The following LEKR1 variants were observed in gnomAD, a reference collection of about 807,000 sequenced individuals.
The protein encoded by LEKR1 is leucine, glutamate and lysine rich 1, also known as protein LEKR1.
In LEKR1, 59 loss-of-function variants were observed where a neutral mutation model predicts 72.4. The observed-to-expected ratio is 0.82, with a 90% CI of 0.66 to 1.01. The LOEUF is 1.01. Ranked by LOEUF, LEKR1 falls within the 50% of genes least tolerant of loss-of-function variation. LEKR1 has a pLI of 0.00. For synonymous variants in LEKR1, 257 were observed against 263.2 expected (o/e 0.98, Z 0.23); for missense variants, 728 against 759.2 (o/e 0.96, Z 0.48).
intron 6 of LEKR1, among the ~76,000 whole-genome samples, chr3:156,943,498 G>A (rs927974104): frequency 2.6e-5 from 4 of 151,898 alleles, no homozygotes; most frequent in African/African-American, 7.2e-5. Context: ...AGAGAACCAA[G>A]GCCCACAAAG....
rs528357031 is a variant in LEKR1, at chr3:157,042,670, A to G, written c.1669-2670A>G. ...TGAGACTTGAATTTAATCTTAGTAAATTGATTGAATTTATTTTTCTTTTAA... is the reference window on the plus strand; with the variant it reads ...TGAGACTTGAATTTAATCTTAGTAAGTTGATTGAATTTATTTTTCTTTTAA... On this transcript the variant is annotated intron_variant, in intron 12 of 12. Coordinates refer to ENST00000356539, the MANE Select transcript of LEKR1 (RefSeq NM_001004316.3). Among the ~76,000 whole-genome samples, 29 of 152,202 alleles carry G rather than the reference A, an allele frequency of 1.9e-4. 1 individual carries two copies. In the South Asian group the frequency reaches 3.9e-3, roughly 21 times the overall value.
At chr3:157,035,711 C>T (rs1315793353) in intron 12 of LEKR1, among the ~76,000 whole-genome samples, 1 of 152,004 alleles carries the variant, frequency 6.6e-6, no homozygotes, top group Non-Finnish European at 1.5e-5. Context: ...CCAGCCTGGC[C>T]AACATGGTAA....
chr3:157,005,368 C>T (rs899342738), intron 9 of LEKR1, among the ~76,000 whole-genome samples: 4 of 151,992 alleles, frequency 2.6e-5, no homozygotes, highest in African/African-American at 9.7e-5. Flanking sequence ...TGAATTTTAC[C>T]AAGCATTTAA....
chr3:156,894,212 T>TG (rs759344380), intron 3 of LEKR1, among the ~76,000 whole-genome samples: 11 of 152,226 alleles, frequency 7.2e-5, no homozygotes, highest in Admixed American at 4.6e-4. Flanking sequence ...TCTTTTTAGA[T>TG]GGGGTACCTG....
intron 3 of LEKR1, among the ~76,000 whole-genome samples, chr3:156,856,445 G>A (rs1167304103): frequency 3.3e-5 from 5 of 152,070 alleles, no homozygotes; most frequent in African/African-American, 4.8e-5. Context: ...TTTTCTGGAC[G>A]AACTCTAGAA....
intron 4 of LEKR1, among the ~76,000 whole-genome samples, chr3:156,926,978 A>G (rs1205085653): frequency 6.6e-6 from 1 of 151,922 alleles, no homozygotes; most frequent in South Asian, 2.1e-4. Flanking sequence ...GCACTGGATC[A>G]GTCACTTTGA....
intron 10 of LEKR1, among the ~76,000 whole-genome samples, chr3:157,024,501 T>C (rs78801056): frequency 0.021 from 3,243 of 152,314 alleles, 42 homozygotes; most frequent in Middle Eastern, 0.041. Context: ...AAGCTTTTAG[T>C]ATTTCTGAAA....
intron 6 of LEKR1, among the ~76,000 whole-genome samples, chr3:156,946,908 A>G (rs1238196741): frequency 6.6e-6 from 1 of 151,310 alleles, no homozygotes; most frequent in African/African-American, 2.4e-5. Context: ...GTAGCCTCTA[A>G]TGATAAACAA....
Position 156,850,943 on chromosome 3 carries a change from T to C in LEKR1, c.49-1825T>C, listed in dbSNP as rs192555429. On this transcript the variant is annotated intron_variant, in intron 2 of 12. Transcript: ENST00000356539. Reference sequence around the variant, plus strand: ...GTTTTATTTAACATAAAGCCAGTTATAGTATATAAAAGCAAAATATAATTG... The same window carrying C: ...GTTTTATTTAACATAAAGCCAGTTACAGTATATAAAAGCAAAATATAATTG... Among the ~76,000 whole-genome samples, 46 of 152,300 alleles carry C rather than the reference T, an allele frequency of 3.0e-4. No individual in the cohort carries two copies. In the East Asian group the frequency reaches 7.7e-3, roughly 26 times the overall value.
At chr3:157,014,586 A>AT (rs1733157956) in intron 10 of LEKR1, among the ~76,000 whole-genome samples, 1 of 152,174 alleles carries the variant, frequency 6.6e-6, no homozygotes. Flanking sequence ...TGATGTTGTT[A>AT]TTTATAAAAT....
chr3:156,955,436 A>C (rs1445382189), intron 6 of LEKR1, among the ~76,000 whole-genome samples: 2 of 152,042 alleles, frequency 1.3e-5, no homozygotes, highest in African/African-American at 2.4e-5. Flanking sequence ...TTTCCAGGGA[A>C]ATACTTCTAG....
chr3:156,907,598 A>G (rs547756352), intron 3 of LEKR1, among the ~76,000 whole-genome samples: 3 of 152,154 alleles, frequency 2.0e-5, no homozygotes, highest in African/African-American at 7.2e-5. Context: ...TACCAGAGAT[A>G]TATTTGACAC....
chr3:156,911,486 G>A (rs1313668978), intron 3 of LEKR1, among the ~76,000 whole-genome samples: 1 of 152,000 alleles, frequency 6.6e-6, no homozygotes, highest in African/African-American at 2.4e-5. Context: ...TTCTTTTGCT[G>A]TGCAGAAGCT....
At chr3:157,037,083 C>G (rs144960229) in intron 12 of LEKR1, among the ~76,000 whole-genome samples, 78 of 152,200 alleles carry the variant, frequency 5.1e-4, no homozygotes, top group South Asian at 4.6e-3. Flanking sequence ...GGAGGAGGAG[C>G]AGCATCTGTT....
intron 3 of LEKR1, among the ~76,000 whole-genome samples, chr3:156,859,791 C>T (rs1250372664): frequency 5.3e-5 from 8 of 152,162 alleles, no homozygotes; most frequent in Non-Finnish European, 8.8e-5. Flanking sequence ...CCTCCTTCCC[C>T]GTTAACACTT....
At chr3:156,858,807 G>A (rs1269521291) in intron 3 of LEKR1, among the ~76,000 whole-genome samples, 1 of 151,680 alleles carries the variant, frequency 6.6e-6, no homozygotes, top group East Asian at 1.9e-4. Flanking sequence ...AAGCTATTAA[G>A]TTTTCCTGTG....
intron 3 of LEKR1, among the ~76,000 whole-genome samples, chr3:156,906,248 ATAAT>A (rs1722522647): frequency 1.3e-5 from 2 of 152,224 alleles, no homozygotes; most frequent in Non-Finnish European, 2.9e-5. Flanking sequence ...CCACATGAAA[ATAAT>A]TAAGAAGGGA....
At position 156,829,278 on chromosome 3, in the gene LEKR1, G is replaced by T; in HGVS notation, c.-44-8G>T. On this transcript the variant is annotated splice_polypyrimidine_tract_variant and splice_region_variant and intron_variant, in intron 1 of 12. Transcript: ENST00000356539. ...TTCTGTTCTGACTGTTGCCATCAAT[G>T]TTCTTAGATTTCCTTTGGCTTCAAA... The T allele has an allele frequency of 9.2e-7, 1 of 1,091,916 alleles. No homozygotes were observed. Among genetic ancestry groups the T allele is most frequent in the Non-Finnish European group, 1.3e-6 (1 of 745,046 alleles). 67.6% of individuals were successfully genotyped at this position (1,091,916 alleles called of 1,614,324 possible).
intron 2 of LEKR1, among the ~76,000 whole-genome samples, chr3:156,834,462 C>T (rs1186939132): frequency 6.6e-6 from 1 of 152,130 alleles, no homozygotes. Flanking sequence ...GAACAAAAGC[C>T]ATATTTCCAA....
Sources: gnomAD v4.1 joint callset for allele counts (sites outside exome capture counted in the v4.1 genomes callset) on GRCh38, gnomAD v4.1.1 for gene constraint, MANE v1.5 for transcripts, NCBI Gene and HGNC (gene_info 2026-07-23, HGNC 2026-07-21) for gene names.